The following DPP6 variants were observed in gnomAD, a reference collection of about 807,000 sequenced individuals.
The protein encoded by DPP6 is A-type potassium channel modulatory protein DPP6.
In DPP6, 69 loss-of-function variants were observed where a neutral mutation model predicts 122.6. The ratio of observed to expected loss-of-function variants is 0.56; its 90% CI spans 0.46 to 0.69. DPP6 has a LOEUF of 0.69. Among genes scored for constraint, DPP6 ranks in the 30% least tolerant of loss-of-function variants. DPP6 has a pLI of 0.00. For missense variants in DPP6, 928 were observed against 1,116.9 expected (o/e 0.83, Z 2.41); for synonymous variants, 418 against 433.1 (o/e 0.97, Z 0.43).
At chr7:154,575,235 GGTGTT>G (rs1831495560) in intron 5 of DPP6, among the ~76,000 whole-genome samples, 21 of 117,084 alleles carry the variant, frequency 1.8e-4, no homozygotes, top group Non-Finnish European at 3.0e-4. Flanking sequence ...GTGTGTGTGT[GGTGTT>G]TGTGTGGTGT....
intron 1 of DPP6, among the ~76,000 whole-genome samples, chr7:154,385,539 G>A (rs774635762): frequency 6.6e-6 from 1 of 152,104 alleles, no homozygotes. Flanking sequence ...TTAGAGACTG[G>A]CCCTTGTTGT....
At chr7:154,678,596 C>G (rs76136717) in intron 7 of DPP6, among the ~76,000 whole-genome samples, 5 of 151,852 alleles carry the variant, frequency 3.3e-5, no homozygotes, top group South Asian at 4.2e-4. Context: ...TAACACTCAC[C>G]GCGAGGGTCT....
intron 1 of DPP6, among the ~76,000 whole-genome samples, chr7:154,131,619 T>A (rs1329964785): frequency 1.3e-5 from 2 of 152,288 alleles, no homozygotes. Flanking sequence ...AGCAGAATGT[T>A]TGATTAAATC....
chr7:154,716,067 T>C (rs1377666615), intron 7 of DPP6, among the ~76,000 whole-genome samples: 1 of 152,210 alleles, frequency 6.6e-6, no homozygotes, highest in Non-Finnish European at 1.5e-5. Context: ...TTCAAATCCA[T>C]CTTCTTTTAG....
intron 1 of DPP6, among the ~76,000 whole-genome samples, chr7:154,426,149 G>A (rs906035281): frequency 1.3e-5 from 2 of 152,170 alleles, no homozygotes; most frequent in Non-Finnish European, 2.9e-5. Context: ...CACAGCCGCT[G>A]CAGTTGTCTT....
intron 1 of DPP6, among the ~76,000 whole-genome samples, chr7:154,349,581 T>C (rs1161252218): frequency 6.6e-6 from 1 of 152,210 alleles, no homozygotes; most frequent in African/African-American, 2.4e-5. Flanking sequence ...TGCTAAGCTA[T>C]GGATCATCAG....
chr7:154,742,572 C>T (rs942489790), intron 8 of DPP6, among the ~76,000 whole-genome samples: 5 of 152,146 alleles, frequency 3.3e-5, no homozygotes, highest in African/African-American at 1.2e-4. Flanking sequence ...TACGACATTT[C>T]GGATTTGAGA....
intron 1 of DPP6, among the ~76,000 whole-genome samples, chr7:154,062,056 A>T (rs1454133767): frequency 2.8e-5 from 3 of 105,606 alleles, no homozygotes; most frequent in Non-Finnish European, 6.0e-5. Context: ...ACTGACAGCC[A>T]GCCCCTGGTT....
the DPP6 span, among the ~76,000 whole-genome samples, chr7:153,797,700 T>C: frequency 2.6e-5 from 4 of 152,162 alleles, no homozygotes; most frequent in Non-Finnish European, 4.4e-5. Flanking sequence ...CCCACAGTTC[T>C]GGAAGCTGGA....
chr7:154,714,665 C>T (rs1415096668), intron 7 of DPP6, among the ~76,000 whole-genome samples: 9 of 152,160 alleles, frequency 5.9e-5, no homozygotes. Context: ...TCCCAAGACA[C>T]ATGAGAATTA....
rs998682418 is a variant in DPP6, at chr7:154,368,180, C to T, written c.244-78034C>T. Reference sequence around the variant, plus strand: ...TAATGGCGTTGTTTAGAATAATAACCTTATAGCGTAAACCACAAACATGAA... The same window carrying T: ...TAATGGCGTTGTTTAGAATAATAACTTTATAGCGTAAACCACAAACATGAA... On this transcript the variant is annotated intron_variant, in intron 1 of 25. Coordinates refer to ENST00000377770, the MANE Select transcript of DPP6 (RefSeq NM_130797.4). Among the ~76,000 whole-genome samples the T allele has an allele frequency of 9.2e-5, 14 of 152,246 alleles. No homozygotes were observed. The South Asian group carries it at 1.2e-3, about 14-fold the overall frequency.
intron 1 of DPP6, among the ~76,000 whole-genome samples, chr7:153,987,694 CAG>C (rs1796921648): frequency 6.6e-6 from 1 of 152,088 alleles, no homozygotes; most frequent in Non-Finnish European, 1.5e-5. Flanking sequence ...GAGGACCCAG[CAG>C]AGAGCTGTGG....
chr7:154,166,608 A>G (rs1340616162), intron 1 of DPP6, among the ~76,000 whole-genome samples: 1 of 146,702 alleles, frequency 6.8e-6, no homozygotes, highest in Non-Finnish European at 1.5e-5. Flanking sequence ...CACAGTATGT[A>G]CGTTTAGAAA....
At chr7:154,063,680 C>T (rs907464201) in intron 1 of DPP6, among the ~76,000 whole-genome samples, 3 of 90,240 alleles carry the variant, frequency 3.3e-5, no homozygotes, top group African/African-American at 5.4e-5. Flanking sequence ...CCCATCCCAG[C>T]GGGGGGAGGC....
intron 22 of DPP6, among the ~76,000 whole-genome samples, chr7:154,887,446 G>C (rs961728006): frequency 6.6e-6 from 1 of 152,142 alleles, no homozygotes; most frequent in Non-Finnish European, 1.5e-5. Context: ...TTGCAACACC[G>C]GCACTCACAC....
At chr7:154,022,848 C>G (rs1585190200) in intron 1 of DPP6, among the ~76,000 whole-genome samples, 1 of 152,198 alleles carries the variant, frequency 6.6e-6, no homozygotes, top group Non-Finnish European at 1.5e-5. Context: ...TAGGATGAGA[C>G]AGAGGTTGGA....
chr7:154,185,270 A>G (rs186583561), intron 1 of DPP6, among the ~76,000 whole-genome samples: 24 of 152,308 alleles, frequency 1.6e-4, no homozygotes, highest in East Asian at 1.5e-3. Context: ...TGGGATTTCA[A>G]TTTTTGCCTG....
chr7:154,484,750 C>G (rs1274102806), intron 3 of DPP6, among the ~76,000 whole-genome samples: 1 of 152,156 alleles, frequency 6.6e-6, no homozygotes, highest in Non-Finnish European at 1.5e-5. Context: ...AGCAGAGAGC[C>G]CTCTGTGTCT....
intron 6 of DPP6, among the ~76,000 whole-genome samples, chr7:154,663,306 A>C (rs376340939): frequency 1.6e-4 from 5 of 31,374 alleles, no homozygotes; most frequent in Admixed American, 4.8e-4. Flanking sequence ...CGTATTGGCC[A>C]TAGTGTTCAT....
Sources: allele counts gnomAD v4.1 joint callset (sites outside exome capture counted in the v4.1 genomes callset), GRCh38; gene constraint gnomAD v4.1.1; transcripts MANE v1.5; gene names NCBI Gene and HGNC (gene_info 2026-07-23, HGNC 2026-07-21).